DYNC2LI1: variants seen among roughly 807,000 people sequenced by gnomAD.
The protein encoded by DYNC2LI1 is cytoplasmic dynein 2 light intermediate chain 1.
Under a neutral mutation model 51.9 loss-of-function variants are expected in DYNC2LI1, and 45 were observed. The ratio of observed to expected loss-of-function variants is 0.87; its 90% CI spans 0.68 to 1.11. DYNC2LI1 has a LOEUF of 1.11. Among genes scored for constraint, DYNC2LI1 ranks in the 50% most tolerant of loss-of-function variants. DYNC2LI1 has a pLI of 0.00. For synonymous variants in DYNC2LI1, 130 were observed against 137.8 expected (o/e 0.94, Z 0.40); for missense variants, 490 against 417.4 (o/e 1.17, Z -1.51).
chr2:43,777,360 T>G (rs1034682640), intron 2 of DYNC2LI1, among the ~76,000 whole-genome samples: 3 of 152,226 alleles, frequency 2.0e-5, no homozygotes, highest in African/African-American at 7.2e-5. Flanking sequence ...GACCACTGAT[T>G]GGTAGGAAGG....
the DYNC2LI1 span, among the ~76,000 whole-genome samples, chr2:43,822,347 G>A: frequency 5.3e-5 from 8 of 152,070 alleles, no homozygotes; most frequent in African/African-American, 1.9e-4. Flanking sequence ...CTCTGATGCT[G>A]CCCAATCCTG....
the DYNC2LI1 span, among the ~76,000 whole-genome samples, chr2:43,820,320 T>C: frequency 6.6e-6 from 1 of 152,206 alleles, no homozygotes; most frequent in Non-Finnish European, 1.5e-5. Flanking sequence ...GGGAGCCACC[T>C]TTTCCCTTTC....
the DYNC2LI1 span, chr2:43,822,989 G>A: frequency 1.9e-6 from 3 of 1,604,888 alleles, no homozygotes; most frequent in South Asian, 1.1e-5. Context: ...GCTGAAAAAG[G>A]GAGGGCTAGC....
At chr2:43,807,194 T>G (rs1352351933) in intron 12 of DYNC2LI1, among the ~76,000 whole-genome samples, 3 of 152,128 alleles carry the variant, frequency 2.0e-5, no homozygotes, top group Middle Eastern at 3.2e-3. Flanking sequence ...TGCTGTGAAG[T>G]CAGTCCTCAA....
chr2:43,796,314 C>T (rs1049556329), intron 7 of DYNC2LI1, among the ~76,000 whole-genome samples: 9 of 145,232 alleles, frequency 6.2e-5, no homozygotes, highest in Non-Finnish European at 1.3e-4. Context: ...GCCTGGGTTA[C>T]ACAGTGAGAC....
At chr2:43,826,241 C>T in the DYNC2LI1 span, 3 of 1,233,548 alleles carry the variant, frequency 2.4e-6, no homozygotes, top group Non-Finnish European at 3.5e-6. Context: ...CTCAAGTGCT[C>T]CTCCTGCCTC....
At chr2:43,828,309 G>A in the DYNC2LI1 span, 1 of 721,224 alleles carries the variant, frequency 1.4e-6, no homozygotes, top group Non-Finnish European at 2.3e-6. Context: ...TAATACATGT[G>A]TCAGATTTAA....
chr2:43,785,628 G>A (rs1270271416), intron 3 of DYNC2LI1, among the ~76,000 whole-genome samples: 1 of 152,068 alleles, frequency 6.6e-6, no homozygotes, highest in Non-Finnish European at 1.5e-5. Flanking sequence ...CAGGTCCTTG[G>A]GAGGCTGAGG....
intron 1 of DYNC2LI1, among the ~76,000 whole-genome samples, chr2:43,776,522 A>T (rs1048667030): frequency 1.3e-5 from 2 of 152,160 alleles, no homozygotes; most frequent in Non-Finnish European, 2.9e-5. Context: ...GGAAGACCCA[A>T]ATGTGACAGC....
In DYNC2LI1 at chr2:43,794,476, G is replaced by T; in HGVS notation, c.340G>T (p.Val114Phe). The change falls in exon 6 of 13, where the codon GTT becomes TTT. Residue 114 changes from valine to phenylalanine, a missense_variant. Coordinates refer to ENST00000260605, the MANE Select transcript of DYNC2LI1 (RefSeq NM_016008.4). ...DTLRTFSLVL[V>F]LDLSKPNDLW... The stretch of plus-strand genomic sequence containing the variant: ...CTTTAGGACGTTTTCTCTTGTTCTC[G>T]TTCTGGATCTTTCAAAACCTAATGA... 6 of 1,612,536 alleles carry T rather than the reference G, an allele frequency of 3.7e-6. No homozygotes were observed. The highest frequency in any genetic ancestry group is 5.1e-6 in the Non-Finnish European group (6 of 1,179,378).
In DYNC2LI1 at chr2:43,787,191, C is replaced by G; in HGVS notation, c.172C>G (p.Pro58Ala). The G allele has an allele frequency of 6.2e-7, 1 of 1,613,020 alleles. No individual in the cohort carries two copies. The highest frequency in any genetic ancestry group is 1.3e-5 in the African/African-American group (1 of 75,022). Reference sequence around the variant, plus strand: ...GCCTTTATTATACAGAGATGAACCACCAAAACCAACCTTAGCTTTGGAATA... The same window carrying G: ...GCCTTTATTATACAGAGATGAACCAGCAAAACCAACCTTAGCTTTGGAATA... ...ILRCLDRDEP[P>A]KPTLALEYTY... Residue 58 changes from proline to alanine, a missense_variant, in exon 4 of 13, where the codon CCA becomes GCA. Transcript: ENST00000260605.
intron 12 of DYNC2LI1, among the ~76,000 whole-genome samples, chr2:43,808,717 C>G (rs1666364809): frequency 6.6e-6 from 1 of 152,134 alleles, no homozygotes; most frequent in South Asian, 2.1e-4. Context: ...TGCCCTCTCC[C>G]TATCTGTGTG....
chr2:43,823,564 G>T, the DYNC2LI1 span, among the ~76,000 whole-genome samples: 1 of 152,060 alleles, frequency 6.6e-6, no homozygotes, highest in Non-Finnish European at 1.5e-5. Context: ...AGAAGCTAAC[G>T]GTACAAAGTT....
the DYNC2LI1 span, chr2:43,824,982 G>C: frequency 6.2e-7 from 1 of 1,613,988 alleles, no homozygotes; most frequent in Non-Finnish European, 8.5e-7. Context: ...CAGAAAATCA[G>C]CTCTCCGAAG....
chr2:43,801,604 T>C, intron 9 of DYNC2LI1, 35 bp from the exon 10 acceptor site: 1 of 1,545,162 alleles, frequency 6.5e-7, no homozygotes, highest in Non-Finnish European at 8.9e-7. Flanking sequence ...ATCTAATTGC[T>C]AAACTAATTT....
At chr2:43,801,753 T>G (rs1558694279) in intron 10 of DYNC2LI1, 44 bp downstream of exon 10, 1 of 1,466,072 alleles carries the variant, frequency 6.8e-7, no homozygotes, top group South Asian at 1.2e-5. Context: ...TTTAATTGCT[T>G]ATTGATTTTG....
the DYNC2LI1 span, chr2:43,822,686 T>C: frequency 6.3e-7 from 1 of 1,575,114 alleles, no homozygotes; most frequent in Non-Finnish European, 8.6e-7. Flanking sequence ...ATGGGCAAAG[T>C]GTAGATCCTC....
At chr2:43,799,314 T>C (rs1665995758) in intron 8 of DYNC2LI1, among the ~76,000 whole-genome samples, 1 of 151,886 alleles carries the variant, frequency 6.6e-6, no homozygotes, top group African/African-American at 2.4e-5. Flanking sequence ...AAAAAACCAA[T>C]ATGCTCCTCG....
At chr2:43,791,869 TA>T (rs1418232435) in intron 5 of DYNC2LI1, among the ~76,000 whole-genome samples, 1 of 152,170 alleles carries the variant, frequency 6.6e-6, no homozygotes, top group Non-Finnish European at 1.5e-5. Context: ...GGAGTTTATG[TA>T]AAAAAATTTT....
Sources: allele counts gnomAD v4.1 joint callset (sites outside exome capture counted in the v4.1 genomes callset), GRCh38; gene constraint gnomAD v4.1.1; transcripts MANE v1.5; gene names NCBI Gene and HGNC (gene_info 2026-07-23, HGNC 2026-07-21).